Variants in CDH13 observed in about 807,000 individuals in gnomAD.
CDH13 encodes the protein cadherin-13.
CDH13 carries 24 observed loss-of-function variants against 63.8 expected under a neutral mutation model. That is an observed-to-expected ratio of 0.38 (90% CI 0.27 to 0.53). CDH13 has a LOEUF of 0.53. Ranked by LOEUF, CDH13 falls within the 20% of genes least tolerant of loss-of-function variation. CDH13 has a pLI of 0.85. For missense variants in CDH13, 1,049 were observed against 903.1 expected, an observed-to-expected ratio of 1.16 and a Z score of -2.07; for synonymous variants, 503 against 355.3, an observed-to-expected ratio of 1.42 and a Z score of -4.67.
intron 1 of CDH13, among the ~76,000 whole-genome samples, chr16:82,665,741 A>G (rs1326882130): frequency 6.6e-6 from 1 of 152,004 alleles, no homozygotes; most frequent in Non-Finnish European, 1.5e-5. Flanking sequence ...TCCTCTCTGA[A>G]CTGACACCCT....
intron 1 of CDH13, among the ~76,000 whole-genome samples, chr16:82,651,976 C>A (rs1463340957): frequency 6.6e-6 from 1 of 152,324 alleles, no homozygotes; most frequent in African/African-American, 2.4e-5. Context: ...CCAATCAGAA[C>A]AAGTTGGAGC....
intron 4 of CDH13, chr16:83,180,920 A>G (rs1185327929): frequency 1.3e-6 from 2 of 1,532,426 alleles, no homozygotes; most frequent in African/African-American, 1.4e-5. Context: ...AAGGCATTAC[A>G]GCAGATTTAA....
intron 6 of CDH13, among the ~76,000 whole-genome samples, chr16:83,442,250 A>G (rs1156453189): frequency 6.6e-6 from 1 of 152,212 alleles, no homozygotes; most frequent in African/African-American, 2.4e-5. Context: ...TGAGACAAGA[A>G]GGTATTTGAG....
chr16:83,768,077 T>C (rs1253449266), intron 11 of CDH13, among the ~76,000 whole-genome samples: 2 of 152,214 alleles, frequency 1.3e-5, no homozygotes, highest in African/African-American at 2.4e-5. Flanking sequence ...AAATTAAAAA[T>C]AGATAAATGT....
intron 6 of CDH13, among the ~76,000 whole-genome samples, chr16:83,448,733 C>T (rs529328418): frequency 6.6e-6 from 1 of 152,160 alleles, no homozygotes; most frequent in Admixed American, 6.5e-5. Flanking sequence ...TGCAAGACAG[C>T]CCAGCTGGGG....
intron 6 of CDH13, among the ~76,000 whole-genome samples, chr16:83,403,197 G>C (rs1385238659): frequency 6.6e-6 from 1 of 152,074 alleles, no homozygotes; most frequent in East Asian, 1.9e-4. Context: ...TAGTGTTTTG[G>C]AGAAAAATGG....
chr16:83,460,339 T>A (rs1174104840), intron 6 of CDH13, among the ~76,000 whole-genome samples: 1 of 152,270 alleles, frequency 6.6e-6, no homozygotes, highest in Non-Finnish European at 1.5e-5. Flanking sequence ...TTTGTCATTA[T>A]CTACCAAAGT....
intron 2 of CDH13, among the ~76,000 whole-genome samples, chr16:82,982,823 A>G (rs1910457443): frequency 1.3e-5 from 2 of 152,148 alleles, no homozygotes; most frequent in Admixed American, 1.3e-4. Flanking sequence ...TCCATTTCCC[A>G]GTATTTATTG....
chr16:82,737,725 CT>C (rs1479880661), intron 1 of CDH13, among the ~76,000 whole-genome samples: 2 of 152,216 alleles, frequency 1.3e-5, no homozygotes, highest in Non-Finnish European at 2.9e-5. Flanking sequence ...CTTCCCCATA[CT>C]TTTTTCTCCT....
intron 1 of CDH13, among the ~76,000 whole-genome samples, chr16:82,773,859 C>G (rs2035371495): frequency 6.6e-6 from 1 of 151,834 alleles, no homozygotes; most frequent in Non-Finnish European, 1.5e-5. Flanking sequence ...TCTCAGCTCA[C>G]TGCAACCTCC....
At position 83,799,428 on chromosome 16, in the gene CDH13, C is replaced by T. The variant is rs1461971812; in HGVS notation, c.*4398C>T. 1.3e-5 allele frequency: 2 copies of T among 152,002 alleles called. No individual in the cohort carries two copies. The highest frequency in any genetic ancestry group is 2.9e-5 in the Non-Finnish European group (2 of 68,016). The allele number at this position is 152,002 out of a possible 1,614,324, so 9.4% of individuals were successfully genotyped here. On this transcript the variant is annotated 3_prime_UTR_variant, in exon 14 of 14. Transcript: ENST00000567109. ...GGGGTGGGGTCTCAAAGGGTTTGCA[C>T]TGTGCTTTGCTATAAATCATTCAAA...
chr16:83,658,379 A>G (rs1405055163), intron 8 of CDH13, among the ~76,000 whole-genome samples: 3 of 63,326 alleles, frequency 4.7e-5, no homozygotes, highest in African/African-American at 1.3e-4. Flanking sequence ...CAGGTCCCGT[A>G]TCCTCACCAG....
At chr16:83,723,350 G>T (rs970084480) in intron 10 of CDH13, among the ~76,000 whole-genome samples, 1 of 152,230 alleles carries the variant, frequency 6.6e-6, no homozygotes, top group East Asian at 1.9e-4. Context: ...ATGTCCCACA[G>T]ATACTAAAGG....
At chr16:83,391,445 C>G (rs1455626618) in intron 6 of CDH13, among the ~76,000 whole-genome samples, 1 of 152,044 alleles carries the variant, frequency 6.6e-6, no homozygotes, top group African/African-American at 2.4e-5. Context: ...ACCTCGTGAT[C>G]CGCCCGCCTC....
chr16:83,393,724 G>A (rs62042632), intron 6 of CDH13, among the ~76,000 whole-genome samples: 2,446 of 152,220 alleles, frequency 0.016, 35 homozygotes, highest in Non-Finnish European at 0.021. Flanking sequence ...CCTGGTCAAG[G>A]AACCAGGCTC....
intron 1 of CDH13, among the ~76,000 whole-genome samples, chr16:82,735,000 T>C (rs1380155347): frequency 3.3e-5 from 5 of 152,178 alleles, no homozygotes; most frequent in African/African-American, 1.2e-4. Context: ...ATTAGGAGGC[T>C]ACTCCGGAAA....
At chr16:82,818,945 G>A (rs1307872578) in intron 1 of CDH13, among the ~76,000 whole-genome samples, 1 of 152,220 alleles carries the variant, frequency 6.6e-6, no homozygotes, top group African/African-American at 2.4e-5. Flanking sequence ...TCCCCTCTGA[G>A]TGCTTTTTGA....
chr16:82,812,177 G>A (rs2037479712), intron 1 of CDH13, among the ~76,000 whole-genome samples: 1 of 152,142 alleles, frequency 6.6e-6, no homozygotes, highest in Non-Finnish European at 1.5e-5. Flanking sequence ...GAAACTGGCA[G>A]ATGGCCCCTC....
At chr16:83,285,510 GA>G (rs149302851) in intron 5 of CDH13, among the ~76,000 whole-genome samples, 56 of 147,118 alleles carry the variant, frequency 3.8e-4, no homozygotes, top group Admixed American at 1.1e-3. Context: ...AATATTCAGG[GA>G]AAAAAAAACA....
Sources: gnomAD v4.1 joint callset for allele counts (sites outside exome capture counted in the v4.1 genomes callset) on GRCh38, gnomAD v4.1.1 for gene constraint, MANE v1.5 for transcripts, NCBI Gene and HGNC (gene_info 2026-07-23, HGNC 2026-07-21) for gene names.